Variants in SPIN1 observed in about 807,000 individuals in gnomAD.
SPIN1 encodes spindlin 1.
A neutral mutation model predicts 26.0 loss-of-function variants in SPIN1; 3 were observed. That is an observed-to-expected ratio of 0.12 (90% CI 0.05 to 0.30). The LOEUF (loss-of-function observed/expected upper bound fraction) is 0.30. SPIN1 is among the 10% of genes least tolerant of loss of function. The pLI is 1.00. For synonymous variants in SPIN1, 101 were observed against 116.5 expected (o/e 0.87, Z 0.86); for missense variants, 126 against 333.4 (o/e 0.38, Z 4.84).
intron 1 of SPIN1, among the ~76,000 whole-genome samples, chr9:88,390,041 T>C (rs1294452437): frequency 6.6e-6 from 1 of 152,228 alleles, no homozygotes; most frequent in East Asian, 1.9e-4. Context: ...AGAATGTGTA[T>C]GCCAGAATTA....
At chr9:88,438,409 G>A (rs1343435577) in intron 2 of SPIN1, among the ~76,000 whole-genome samples, 4 of 152,160 alleles carry the variant, frequency 2.6e-5, no homozygotes, top group Non-Finnish European at 5.9e-5. Flanking sequence ...TTGTATGACA[G>A]CATACACTGT....
chr9:88,395,066 C>T (rs1297283487), intron 1 of SPIN1, among the ~76,000 whole-genome samples: 2 of 151,852 alleles, frequency 1.3e-5, no homozygotes, highest in Admixed American at 6.6e-5. Flanking sequence ...CCTCGGCCTG[C>T]CAAAGTGCTG....
intron 1 of SPIN1, among the ~76,000 whole-genome samples, chr9:88,396,064 C>CA (rs1204974836): frequency 3.4e-5 from 5 of 148,004 alleles, no homozygotes; most frequent in South Asian, 2.2e-4. Flanking sequence ...ACAGCAACAA[C>CA]AACAAAAAAA....
intron 2 of SPIN1, among the ~76,000 whole-genome samples, chr9:88,428,553 G>A (rs1041833657): frequency 2.0e-5 from 3 of 152,036 alleles, no homozygotes; most frequent in Non-Finnish European, 2.9e-5. Flanking sequence ...TTTCTTTATC[G>A]ATTTTGAAAT....
intron 2 of SPIN1, among the ~76,000 whole-genome samples, chr9:88,444,691 C>CTTTTTTTTTTT (rs1226379698): frequency 8.1e-6 from 1 of 123,050 alleles, no homozygotes. Flanking sequence ...CTTTTCTTTT[C>CTTTTTTTTTTT]TTTTTTTTTT....
At chr9:88,441,414 T>TGTGTGTGTGTGTGTGTGCGCGC in intron 2 of SPIN1, among the ~76,000 whole-genome samples, 7 of 141,204 alleles carry the variant, frequency 5.0e-5, no homozygotes, top group African/African-American at 2.0e-4. Context: ...TGTGTGTGTG[T>TGTGTGTGTGTGTGTGTGCGCGC]GCGCGCGCGC....
At chr9:88,429,349 A>G (rs572831694) in intron 2 of SPIN1, among the ~76,000 whole-genome samples, 26 of 152,236 alleles carry the variant, frequency 1.7e-4, no homozygotes, top group African/African-American at 5.3e-4. Flanking sequence ...TTGAGGGCTC[A>G]GTCCCATAAG....
chr9:88,451,359 A>G (rs986945713), intron 3 of SPIN1, among the ~76,000 whole-genome samples: 5 of 152,190 alleles, frequency 3.3e-5, no homozygotes, highest in South Asian at 2.1e-4. Flanking sequence ...GGAAGGTTCA[A>G]GGAGTCTGGT....
At chr9:88,394,872 C>T (rs1383164132) in intron 1 of SPIN1, among the ~76,000 whole-genome samples, 7 of 142,498 alleles carry the variant, frequency 4.9e-5, no homozygotes, top group Non-Finnish European at 4.5e-5. Context: ...TCCAGTGGTG[C>T]GATCTCGGCT....
intron 1 of SPIN1, among the ~76,000 whole-genome samples, chr9:88,389,969 A>G (rs80227327): frequency 6.6e-6 from 1 of 152,116 alleles, no homozygotes; most frequent in African/African-American, 2.4e-5. Context: ...AAAATATTGT[A>G]GTACCTGGTA....
intron 5 of SPIN1, among the ~76,000 whole-genome samples, chr9:88,469,962 G>A (rs7854707): frequency 0.33 from 50,384 of 152,122 alleles, 15,997 homozygotes; most frequent in African/African-American, 0.84. Context: ...CTTTGTATCT[G>A]TTAGCTGTCA....
intron 2 of SPIN1, among the ~76,000 whole-genome samples, chr9:88,446,086 A>G (rs1417339835): frequency 6.6e-6 from 1 of 152,108 alleles, no homozygotes; most frequent in Non-Finnish European, 1.5e-5. Context: ...AGAGAGTTGT[A>G]TAATTAAGTA....
chr9:88,422,338 C>T (rs1339343808), intron 1 of SPIN1, among the ~76,000 whole-genome samples: 2 of 152,126 alleles, frequency 1.3e-5, no homozygotes, highest in African/African-American at 2.4e-5. Flanking sequence ...TTTTTTCCTT[C>T]AGTTTTCATT....
chr9:88,475,345 A>G lies in SPIN1; in HGVS notation c.*68A>G. 6.7e-7 allele frequency: 1 copy of G among 1,502,008 alleles called. No homozygotes were observed. Among genetic ancestry groups the G allele is most frequent in the South Asian group, 1.2e-5 (1 of 81,666 alleles). The allele number at this position is 1,502,008 out of a possible 1,614,324, so 93.0% of individuals were successfully genotyped here. ...TATTATTTGTAGACATAAAGACTTG[A>G]TTGCTTTCCAGTTTAATGAAAGCTT... On this transcript the variant is annotated 3_prime_UTR_variant, in exon 6 of 6. Coordinates refer to ENST00000375859, the MANE Select transcript of SPIN1 (RefSeq NM_006717.3).
At chr9:88,422,802 C>T (rs572954091) in intron 1 of SPIN1, among the ~76,000 whole-genome samples, 4 of 151,988 alleles carry the variant, frequency 2.6e-5, no homozygotes, top group Non-Finnish European at 4.4e-5. Flanking sequence ...CTCTGCCTCC[C>T]GGGTTCAGGC....
At position 88,418,533 on chromosome 9, in the gene SPIN1, T is replaced by C. The variant is rs530923080; in HGVS notation, c.-158-7849T>C. Among the ~76,000 whole-genome samples the C allele has an allele frequency of 1.6e-4, 25 of 152,328 alleles. 1 individual carries two copies. Among genetic ancestry groups the C allele is most frequent in the Middle Eastern group, 6.8e-3 (2 of 294 alleles). ...CATTAGTGGTCCTGGTGTTAAGATA[T>C]GGGAACTTAGTATTTTTGCTTAAAC... On this transcript the variant is annotated intron_variant, in intron 1 of 5. Transcript: ENST00000375859.
At chr9:88,410,623 C>T in intron 1 of SPIN1, 1 of 1,020,550 alleles carries the variant, frequency 9.8e-7, no homozygotes, top group Admixed American at 1.7e-5. Flanking sequence ...TTGGCCTCCA[C>T]CACCATAGGG....
At chr9:88,472,247 G>A (rs1828803510) in intron 5 of SPIN1, among the ~76,000 whole-genome samples, 1 of 152,154 alleles carries the variant, frequency 6.6e-6, no homozygotes, top group Non-Finnish European at 1.5e-5. Context: ...GAAGAGTATT[G>A]CCCTCTTAAC....
intron 2 of SPIN1, among the ~76,000 whole-genome samples, chr9:88,432,263 C>CA (rs1266610004): frequency 1.4e-5 from 2 of 144,010 alleles, no homozygotes; most frequent in Non-Finnish European, 3.0e-5. Context: ...GATCTCAGCT[C>CA]ACTGCAACCT....
Sources: gnomAD v4.1 joint callset for allele counts (sites outside exome capture counted in the v4.1 genomes callset) on GRCh38, gnomAD v4.1.1 for gene constraint, MANE v1.5 for transcripts, NCBI Gene and HGNC (gene_info 2026-07-23, HGNC 2026-07-21) for gene names.